Variants in TENM3 observed in about 807,000 individuals in gnomAD.
TENM3 encodes the protein teneurin transmembrane protein 3.
In TENM3, 63 loss-of-function variants were observed where a neutral mutation model predicts 255.1. That is an observed-to-expected ratio of 0.25 (90% confidence interval 0.20 to 0.30). TENM3 has a LOEUF of 0.30. Among genes scored for constraint, TENM3 ranks in the 10% least tolerant of loss-of-function variants. TENM3 has a pLI of 1.00. For missense variants in TENM3, 2,929 were observed against 3,461.1 expected, an observed-to-expected ratio of 0.85 and a Z score of 3.86; for synonymous variants, 1,306 against 1,322.3, an observed-to-expected ratio of 0.99 and a Z score of 0.27.
the TENM3 span, among the ~76,000 whole-genome samples, chr4:181,789,855 G>T: frequency 1.2e-3 from 190 of 152,106 alleles, 2 homozygotes; most frequent in African/African-American, 4.3e-3. Context: ...CCCCCTCCCC[G>T]GTACCATGTC....
chr4:182,415,635 C>T (rs192699468), intron 3 of TENM3, among the ~76,000 whole-genome samples: 9 of 152,162 alleles, frequency 5.9e-5, no homozygotes, highest in Admixed American at 1.3e-4. Context: ...CATCATTTCC[C>T]TCTGTTTTCA....
chr4:182,662,693 G>A (rs370923227), intron 6 of TENM3, among the ~76,000 whole-genome samples: 16 of 152,048 alleles, frequency 1.1e-4, no homozygotes, highest in African/African-American at 2.7e-4. Flanking sequence ...TCTGGAATTC[G>A]GGACATGATG....
chr4:182,325,627 A>C (rs570990309), intron 2 of TENM3, among the ~76,000 whole-genome samples: 33 of 152,176 alleles, frequency 2.2e-4, no homozygotes, highest in Non-Finnish European at 4.1e-4. Flanking sequence ...ATCAGTGTAC[A>C]TTTTTTCAAC....
intron 1 of TENM3, among the ~76,000 whole-genome samples, chr4:182,276,682 G>A (rs1760024977): frequency 6.6e-6 from 1 of 152,158 alleles, no homozygotes; most frequent in Non-Finnish European, 1.5e-5. Flanking sequence ...TTGCCTAGAG[G>A]AAATAATGTT....
In TENM3 at chr4:182,754,508, C is replaced by G; in HGVS notation, c.4141C>G (p.Pro1381Ala). ...NRQVRIAAGR[P>A]MHCQVPGVEY... is the part of the protein sequence containing the mutation. Reference sequence around the variant, plus strand: ...TCAAGTTCGCATTGCTGCTGGACGGCCCATGCACTGTCAGGTTCCCGGAGT... The same window carrying G: ...TCAAGTTCGCATTGCTGCTGGACGGGCCATGCACTGTCAGGTTCCCGGAGT... The change falls in exon 22 of 28, where the codon CCC becomes GCC. Residue 1381 changes from proline to alanine, a missense_variant. Transcript: ENST00000511685. The surrounding 1 kb of genome is among the most constrained non-coding windows in gnomAD (Gnocchi z 5.1). 6.2e-7 allele frequency: 1 copy of G among 1,613,858 alleles called. No individual in the cohort carries two copies.
intron 1 of TENM3, among the ~76,000 whole-genome samples, chr4:182,296,219 TC>T (rs929321424): frequency 2.0e-5 from 3 of 152,196 alleles, no homozygotes; most frequent in Admixed American, 2.0e-4. Context: ...CACCTTGGCC[TC>T]CCAAAGTGCT....
chr4:182,699,006 G>GCTA (rs544912087), intron 12 of TENM3, among the ~76,000 whole-genome samples: 86 of 152,324 alleles, frequency 5.6e-4, no homozygotes, highest in African/African-American at 2.0e-3. Flanking sequence ...ACACATAGCT[G>GCTA]TGAGGATGAG....
chr4:182,141,448 C>T (rs1749417819), upstream of TENM3: 2 of 152,208 alleles, frequency 1.3e-5, no homozygotes, highest in Non-Finnish European at 2.9e-5. Flanking sequence ...CACTGCACAA[C>T]ATCAGCTTTT....
the TENM3 span, among the ~76,000 whole-genome samples, chr4:181,608,783 A>G: frequency 6.6e-6 from 1 of 152,166 alleles, no homozygotes; most frequent in Non-Finnish European, 1.5e-5. Flanking sequence ...TGCTGACCCT[A>G]ATCAGCTGAG....
At chr4:181,597,856 A>G in the TENM3 span, among the ~76,000 whole-genome samples, 4 of 152,332 alleles carry the variant, frequency 2.6e-5, no homozygotes, top group South Asian at 6.2e-4. Context: ...TTCCAATATC[A>G]AAGAGAGAGA....
At chr4:182,193,572 T>C (rs1409535361) in intron 1 of TENM3, among the ~76,000 whole-genome samples, 4 of 152,230 alleles carry the variant, frequency 2.6e-5, no homozygotes, top group Non-Finnish European at 5.9e-5. Flanking sequence ...GTACATTCCA[T>C]GCGTCCCAGG....
the TENM3 span, among the ~76,000 whole-genome samples, chr4:181,769,863 T>A: frequency 6.6e-6 from 1 of 152,252 alleles, no homozygotes; most frequent in Admixed American, 6.5e-5. Flanking sequence ...TCTTTATAAT[T>A]CTTATGTTAA....
chr4:182,681,763 G>A (rs946578703), intron 10 of TENM3, 51 bp from the exon 11 acceptor site: 3 of 1,288,396 alleles, frequency 2.3e-6, no homozygotes, highest in Non-Finnish European at 3.2e-6. Context: ...TTTTCTGCAT[G>A]CACTATGATA....
At chr4:182,080,068 G>A in the TENM3 span, among the ~76,000 whole-genome samples, 1 of 152,198 alleles carries the variant, frequency 6.6e-6, no homozygotes, top group Admixed American at 6.5e-5. Context: ...ACCATGCAGA[G>A]ATACTGAAGA....
chr4:182,621,837 G>T (rs1331681977), intron 4 of TENM3, among the ~76,000 whole-genome samples: 1 of 124,302 alleles, frequency 8.0e-6, no homozygotes, highest in African/African-American at 3.2e-5. Flanking sequence ...AGCCAGATGT[G>T]GTGGTGCACA....
At position 182,483,258 on chromosome 4, in the gene TENM3, A is replaced by C. The variant is rs557007159; in HGVS notation, c.512-117666A>C. Reference sequence around the variant, plus strand: ...ATCAACGTGTCTCTGTAGCAGAAATAGTAGATGGTTGGAATAAATAGTAGA... The same window carrying C: ...ATCAACGTGTCTCTGTAGCAGAAATCGTAGATGGTTGGAATAAATAGTAGA... On this transcript the variant is annotated intron_variant, in intron 3 of 27. Coordinates refer to ENST00000511685, the MANE Select transcript of TENM3 (RefSeq NM_001080477.4). Among the ~76,000 whole-genome samples, 113 of 152,316 alleles carry C rather than the reference A, an allele frequency of 7.4e-4. 1 individual carries two copies. Among genetic ancestry groups the C allele is most frequent in the Non-Finnish European group, 1.1e-3 (78 of 68,032 alleles).
intron 3 of TENM3, among the ~76,000 whole-genome samples, chr4:182,487,638 G>A (rs1734888445): frequency 6.6e-6 from 1 of 152,018 alleles, no homozygotes; most frequent in Admixed American, 6.6e-5. Flanking sequence ...TTTAATAAGT[G>A]CCCTTTTAAC....
chr4:182,559,941 A>C (rs1302653376), intron 3 of TENM3, among the ~76,000 whole-genome samples: 2 of 152,120 alleles, frequency 1.3e-5, no homozygotes, highest in African/African-American at 4.8e-5. Context: ...ACAAAGAATA[A>C]ATGCTTCAGA....
At chr4:182,607,921 T>A (rs1748588396) in intron 4 of TENM3, among the ~76,000 whole-genome samples, 1 of 152,190 alleles carries the variant, frequency 6.6e-6, no homozygotes, top group African/African-American at 2.4e-5. Flanking sequence ...ATCACACTTT[T>A]TTGAACGTGA....
Sources: allele counts gnomAD v4.1 joint callset (sites outside exome capture counted in the v4.1 genomes callset), GRCh38; gene constraint gnomAD v4.1.1; non-coding constraint Gnocchi (gnomAD v3.1); transcripts MANE v1.5; gene names NCBI Gene and HGNC (gene_info 2026-07-23, HGNC 2026-07-21).